DENND5B: variants seen among roughly 807,000 people sequenced by gnomAD.
DENND5B encodes DENN domain containing 5B.
DENND5B carries 34 observed loss-of-function variants against 140.6 expected under a neutral mutation model. That is an observed-to-expected ratio of 0.24 (90% CI 0.18 to 0.32). The LOEUF is 0.32. Among genes scored for constraint, DENND5B ranks in the 10% least tolerant of loss-of-function variants. The probability of loss-of-function intolerance (pLI) is 1.00; values close to 1 mark genes in which losing one functional copy is unlikely to be tolerated. For synonymous variants in DENND5B, 551 were observed against 562.1 expected, an observed-to-expected ratio of 0.98 and a Z score of 0.28; for missense variants, 1,142 against 1,560.2, an observed-to-expected ratio of 0.73 and a Z score of 4.52.
chr12:31,502,476 T>C (rs1947048407), intron 1 of DENND5B, among the ~76,000 whole-genome samples: 2 of 152,216 alleles, frequency 1.3e-5, no homozygotes, highest in Non-Finnish European at 2.9e-5. Context: ...TGTCAACTCT[T>C]GGAGGAAAGT....
rs775282027 is a variant in DENND5B at position 31,480,043 on chromosome 12, T to C, written c.450A>G (p.Ser150=). The change falls in exon 3 of 21, where the codon TCA becomes TCG. Residue 150 remains serine, a synonymous_variant. Transcript: ENST00000389082. Reference sequence around the variant, plus strand: ...CCAATGAGTCCATACTGCAGGAAGATGAAGCATACACACTGCTGTAATGCT... The same window carrying C: ...CCAATGAGTCCATACTGCAGGAAGACGAAGCATACACACTGCTGTAATGCT... ...NAEHYSSVYA[S]SSCSMDSLAS... 53 of 1,613,854 alleles carry C rather than the reference T, an allele frequency of 3.3e-5. No homozygotes were observed. The Middle Eastern group carries it at 8.2e-4, about 25-fold the overall frequency.
Position 31,387,080 on chromosome 12 carries a change from A to C in DENND5B, c.*523T>G, listed in dbSNP as rs1207756749. 6.6e-6 allele frequency: 1 copy of C among 152,246 alleles called. No individual in the cohort carries two copies. Among genetic ancestry groups the C allele is most frequent in the Non-Finnish European group, 1.5e-5 (1 of 68,082 alleles). 9.4% of individuals were successfully genotyped at this position (152,246 alleles called of 1,614,324 possible). On this transcript the variant is annotated 3_prime_UTR_variant, in exon 21 of 21. Transcript: ENST00000389082. ...AAACAGTTTGTAACTTAAAAGATAG[A>C]AGTGAAGACTACCAGTACAGTAGGT...
chr12:31,499,546 T>C, intron 1 of DENND5B: 4 of 1,318,802 alleles, frequency 3.0e-6, no homozygotes, highest in Non-Finnish European at 4.0e-6. Context: ...ATAATGGGCT[T>C]GCAGTCAATT....
At chr12:31,533,910 A>C (rs1490473069) in intron 1 of DENND5B, among the ~76,000 whole-genome samples, 1 of 150,456 alleles carries the variant, frequency 6.6e-6, no homozygotes, top group African/African-American at 2.4e-5. Flanking sequence ...CCTTTAACTT[A>C]TGAAGATTCA....
At chr12:31,550,893 G>A (rs1264372867) in intron 1 of DENND5B, among the ~76,000 whole-genome samples, 9 of 152,072 alleles carry the variant, frequency 5.9e-5, no homozygotes, top group South Asian at 2.1e-4. Flanking sequence ...CATATCCTTC[G>A]CCCACTTGTT....
chr12:31,531,293 G>A (rs899186345), intron 1 of DENND5B, among the ~76,000 whole-genome samples: 1 of 152,084 alleles, frequency 6.6e-6, no homozygotes, highest in Non-Finnish European at 1.5e-5. Context: ...TCCGCCTCCT[G>A]GGTTCAAGCC....
At position 31,386,931 on chromosome 12, in the gene DENND5B, T is replaced by C. The variant is rs183417309; in HGVS notation, c.*672A>G. On this transcript the variant is annotated 3_prime_UTR_variant, in exon 21 of 21. Transcript: ENST00000389082. ...AACACATTTCTCAGAGCTTTGTATG[T>C]TCTCTTTCCAGTTCAGCCAAGCTCC... 57 of 152,368 alleles carry C rather than the reference T, an allele frequency of 3.7e-4. No individual in the cohort carries two copies. The highest frequency in any genetic ancestry group is 1.2e-3 in the African/African-American group (51 of 41,584). 9.4% of individuals were successfully genotyped at this position (152,368 alleles called of 1,614,324 possible). A position where few individuals can be genotyped will look rare whatever the true frequency, so the allele number is the denominator to read the frequency against.
intron 2 of DENND5B, among the ~76,000 whole-genome samples, chr12:31,482,554 G>A (rs1946107577): frequency 6.6e-6 from 1 of 151,850 alleles, no homozygotes; most frequent in African/African-American, 2.4e-5. Flanking sequence ...AAAAATACAT[G>A]CAGAAACTAA....
At chr12:31,448,291 C>CG (rs1944360144) in intron 5 of DENND5B, among the ~76,000 whole-genome samples, 1 of 152,124 alleles carries the variant, frequency 6.6e-6, no homozygotes, top group African/African-American at 2.4e-5. Flanking sequence ...CCTGCCACCA[C>CG]GCCCGGCTAA....
chr12:31,566,338 CTGTGTG>C (rs6144677), intron 1 of DENND5B, among the ~76,000 whole-genome samples: 251 of 148,596 alleles, frequency 1.7e-3, no homozygotes, highest in Middle Eastern at 3.5e-3. Flanking sequence ...CTCTTAAAAA[CTGTGTG>C]TGTGTGTGTG....
At chr12:31,407,784 C>G (rs1942215747) in intron 14 of DENND5B, among the ~76,000 whole-genome samples, 1 of 152,132 alleles carries the variant, frequency 6.6e-6, no homozygotes. Flanking sequence ...AGCCTGGGTC[C>G]GTGACAGCAC....
At position 31,383,754 on chromosome 12, in the gene DENND5B, A is replaced by C. The variant is rs755799956; in HGVS notation, c.*3849T>G. ...GGCATATGACTCCCGACCAGGGCACAGATCTCACACATGCTTCCAACATCA... is the reference window on the plus strand; with the variant it reads ...GGCATATGACTCCCGACCAGGGCACCGATCTCACACATGCTTCCAACATCA... On this transcript the variant is annotated 3_prime_UTR_variant, in exon 21 of 21. Transcript: ENST00000389082. 2 of 152,218 alleles carry C rather than the reference A, an allele frequency of 1.3e-5. No individual in the cohort carries two copies. The highest frequency in any genetic ancestry group is 2.9e-5 in the Non-Finnish European group (2 of 68,048). The allele number at this position is 152,218 out of a possible 1,614,324, so 9.4% of individuals were successfully genotyped here.
At chr12:31,486,560 C>T (rs67963293) in intron 2 of DENND5B, among the ~76,000 whole-genome samples, 20,409 of 152,230 alleles carry the variant, frequency 0.13, 1,615 homozygotes, top group Non-Finnish European at 0.18. Context: ...TCTATGGATG[C>T]CTTCACACTA....
In DENND5B at chr12:31,426,452, C is replaced by T. The variant is rs138687242; in HGVS notation, c.2107-28G>A. 586 of 1,594,726 alleles carry T rather than the reference C, an allele frequency of 3.7e-4. 2 individuals are homozygous for T. The highest frequency in any genetic ancestry group is 5.6e-4 in the East Asian group (25 of 44,628). ...AAAAAATCAAGGAGTATTTTTAATGCGTAAACATTAGCTATTCTTCTAATC... is the reference window on the plus strand; with the variant it reads ...AAAAAATCAAGGAGTATTTTTAATGTGTAAACATTAGCTATTCTTCTAATC... On this transcript the variant is annotated intron_variant, in intron 8 of 20. Transcript: ENST00000389082.
intron 1 of DENND5B, among the ~76,000 whole-genome samples, chr12:31,527,169 AT>A (rs1473534273): frequency 6.6e-6 from 1 of 152,208 alleles, no homozygotes; most frequent in African/African-American, 2.4e-5. Context: ...GAGAATCACA[AT>A]TTTAAAAATA....
At chr12:31,537,708 A>G (rs1948550950) in intron 1 of DENND5B, among the ~76,000 whole-genome samples, 1 of 152,118 alleles carries the variant, frequency 6.6e-6, no homozygotes, top group South Asian at 2.1e-4. Context: ...AAACAAAAAA[A>G]CAAGACTCAG....
intron 1 of DENND5B, among the ~76,000 whole-genome samples, chr12:31,515,318 A>G (rs1947589980): frequency 6.6e-6 from 1 of 152,174 alleles, no homozygotes; most frequent in African/African-American, 2.4e-5. Context: ...ATACATACAC[A>G]TACATTTTTT....
chr12:31,476,638 G>A (rs1484830148), intron 3 of DENND5B, among the ~76,000 whole-genome samples: 2 of 152,126 alleles, frequency 1.3e-5, no homozygotes, highest in African/African-American at 4.8e-5. Flanking sequence ...CTCTAAACCA[G>A]GCATGGTGGT....
intron 1 of DENND5B, among the ~76,000 whole-genome samples, chr12:31,513,072 T>G (rs904779284): frequency 6.6e-6 from 1 of 152,222 alleles, no homozygotes. Flanking sequence ...TTGTTTTAGA[T>G]GACCTTAATA....
Sources: gnomAD v4.1 joint callset for allele counts (sites outside exome capture counted in the v4.1 genomes callset) on GRCh38, gnomAD v4.1.1 for gene constraint, MANE v1.5 for transcripts, NCBI Gene and HGNC (gene_info 2026-07-23, HGNC 2026-07-21) for gene names.